The following SIPA1 variants were observed in gnomAD, a reference collection of about 807,000 sequenced individuals.
SIPA1 encodes signal-induced proliferation-associated 1.
SIPA1 carries 51 observed loss-of-function variants against 88.1 expected under a neutral mutation model. That is an observed-to-expected ratio of 0.58 (90% CI 0.46 to 0.73). The LOEUF (loss-of-function observed/expected upper bound fraction) is 0.73. Among genes scored for constraint, SIPA1 ranks in the 30% least tolerant of loss-of-function variants. SIPA1 has a pLI of 0.00. For synonymous variants in SIPA1, 681 were observed against 664.8 expected (o/e 1.02, Z -0.37); for missense variants, 1,348 against 1,467.6 (o/e 0.92, Z 1.33).
rs1208414217 is a variant in SIPA1 at position 65,650,710 on chromosome 11, GCC to G, written c.3125_3126del (p.Ala1042ValfsTer?). The G allele has an allele frequency of 6.4e-7, 1 of 1,573,868 alleles. No homozygotes were observed. Among genetic ancestry groups the G allele is most frequent in the Non-Finnish European group, 8.6e-7 (1 of 1,159,764 alleles). On this transcript the variant is annotated frameshift_variant, in exon 16 of 16. Coordinates refer to ENST00000534313, the MANE Select transcript of SIPA1 (RefSeq NM_006747.4). LOFTEE classifies it high-confidence loss of function. ...GCTGGGCTCACCCACCGCCGACCTGGCCTGAGCCGTCTGGAACCACCTGGGCC... is the reference window on the plus strand; with the variant it reads ...GCTGGGCTCACCCACCGCCGACCTGGTGAGCCGTCTGGAACCACCTGGGCC... ...KQLGSPTADLA is the reference protein window; with the variant it reads ...KQLGSPTADLX
chr11:65,638,619 A>C (rs1473185119), intron 1 of SIPA1, among the ~76,000 whole-genome samples: 1 of 152,192 alleles, frequency 6.6e-6, no homozygotes, highest in Non-Finnish European at 1.5e-5. Flanking sequence ...CATGACCTCC[A>C]GATGTGCTGG....
At chr11:65,644,922 C>T in intron 4 of SIPA1, 33 bp from the exon 5 acceptor site, 1 of 1,592,946 alleles carries the variant, frequency 6.3e-7, no homozygotes, top group Non-Finnish European at 8.6e-7. Context: ...CTGCAGGGGA[C>T]TGAGACCTAT....
Position 65,642,289 on chromosome 11 carries a change from C to G in SIPA1, c.719C>G (p.Pro240Arg). 1 of 1,554,896 alleles carries G rather than the reference C, an allele frequency of 6.4e-7. No homozygotes were observed. Among genetic ancestry groups the G allele is most frequent in the Non-Finnish European group, 8.7e-7 (1 of 1,151,472 alleles). The change falls in exon 3 of 16, where the codon CCG becomes CGG. Residue 240 changes from proline to arginine, a missense_variant. Coordinates refer to ENST00000534313, the MANE Select transcript of SIPA1 (RefSeq NM_006747.4). The surrounding 1 kb of genome is among the most constrained non-coding windows in gnomAD (Gnocchi z 6.5). ...NFFGMDESLG[P>R]VAVSLRREEK... Reference sequence around the variant, plus strand: ...TTCGGGATGGACGAGTCGCTGGGCCCGGTGGCAGTGAGCCTGCGGCGGGAG... The same window carrying G: ...TTCGGGATGGACGAGTCGCTGGGCCGGGTGGCAGTGAGCCTGCGGCGGGAG...
rs1157364349 is a variant in SIPA1, at chr11:65,647,655, G to A, written c.2303G>A (p.Arg768His). The A allele has an allele frequency of 1.5e-6, 2 of 1,359,408 alleles. No individual in the cohort carries two copies. The highest frequency in any genetic ancestry group is 3.8e-5 in the Admixed American group (1 of 26,430). 84.2% of individuals were successfully genotyped at this position (1,359,408 alleles called of 1,614,324 possible). A position where few individuals can be genotyped will look rare whatever the true frequency, so the allele number is the denominator to read the frequency against. ...VLPPDESGRP[R>H]RSFSELYTLS... ...CCCCCCGACGAGAGCGGCCGGCCCC[G>A]CAGGTCAGGGTGCCGGGGACGCGGG... The change falls in exon 9 of 16, where the codon CGC becomes CAC. Residue 768 changes from arginine to histidine, a missense_variant. By Grantham distance (29) the Arg-to-His change is conservative. Around this residue, in one of 4 missense-constraint regions of SIPA1, gnomAD observed 615 missense variants for 559.8 expected, o/e 1.10. Transcript: ENST00000534313.
Position 65,645,939 on chromosome 11 carries a change from C to T in SIPA1, c.1245C>T (p.Thr415=). The T allele has an allele frequency of 1.9e-6, 3 of 1,612,422 alleles. No homozygotes were observed. Among genetic ancestry groups the T allele is most frequent in the East Asian group, 4.5e-5 (2 of 44,822 alleles). The part of the protein sequence containing the change: ...MFHVSTMLPY[T]PNNQQQLLRK... ...ACGTGTCCACGATGCTGCCTTACAC[C>T]CCTAATAACCAGCAGCAGGTGTGAG... The change falls in exon 6 of 16, where the codon ACC becomes ACT. Residue 415 remains threonine (T), a synonymous_variant. Coordinates refer to ENST00000534313, the MANE Select transcript of SIPA1 (RefSeq NM_006747.4).
chr11:65,647,692 G>T, intron 9 of SIPA1, 34 bp downstream of exon 9: 1 of 1,314,548 alleles, frequency 7.6e-7, no homozygotes, highest in Non-Finnish European at 9.7e-7. Context: ...AGGTGGGAGG[G>T]CCGGCAGTTG....
rs1304309366 is a variant in SIPA1 at position 65,646,354 on chromosome 11, C to A, written c.1397C>A (p.Pro466His). 1.1e-5 allele frequency: 17 copies of A among 1,612,628 alleles called. No homozygotes were observed. Among genetic ancestry groups the A allele is most frequent in the Non-Finnish European group, 1.3e-5 (15 of 1,179,986 alleles). ...TTCCTAGTGGTGCGGGCACACACAC[C>A]CTGCACGCCACACACCACCTACAGG... ...HVFLVVRAHT[P>H]CTPHTTYRVA... The change falls in exon 7 of 16, where the codon CCC (proline) becomes CAC (histidine). Residue 466 changes from proline (P) to histidine (H), a missense_variant. Physicochemically the swap from Pro to His is moderately conservative, Grantham distance 77 (BLOSUM62 -2). Around this residue, in one of 4 missense-constraint regions of SIPA1, gnomAD observed 641 missense variants for 797.7 expected, o/e 0.80. Coordinates refer to ENST00000534313, the MANE Select transcript of SIPA1 (RefSeq NM_006747.4). This position sits in a 1 kb window ranked among gnomAD's most constrained non-coding sequence, Gnocchi z 7.5.
Position 65,642,783 on chromosome 11 carries a change from T to G in SIPA1, c.984+144T>G. 1 of 711,376 alleles carries G rather than the reference T, an allele frequency of 1.4e-6. No homozygotes were observed. The highest frequency in any genetic ancestry group is 2.2e-6 in the Non-Finnish European group (1 of 452,416). The allele number at this position is 711,376 out of a possible 1,614,324, so 44.1% of individuals were successfully genotyped here. ...GAGCTGGCTTTTCAGAGACAGGGCATCAGAGTTCATCTGGAGCCTTGCGTC... is the reference window on the plus strand; with the variant it reads ...GAGCTGGCTTTTCAGAGACAGGGCAGCAGAGTTCATCTGGAGCCTTGCGTC... On this transcript the variant is annotated intron_variant, in intron 4 of 15. Coordinates refer to ENST00000534313, the MANE Select transcript of SIPA1 (RefSeq NM_006747.4). This position sits in a 1 kb window ranked among gnomAD's most constrained non-coding sequence, Gnocchi z 6.5.
chr11:65,640,688 C>G, intron 1 of SIPA1, 143 bp from the exon 2 acceptor site: 1 of 491,186 alleles, frequency 2.0e-6, no homozygotes, highest in Non-Finnish European at 3.6e-6. Context: ...CCTAGGCAGA[C>G]AAGGAAGTGG....
chr11:65,646,674 C>T lies in SIPA1; in HGVS notation c.1640C>T (p.Thr547Met), dbSNP rs1275252789. 1 of 1,544,618 alleles carries T rather than the reference C, an allele frequency of 6.5e-7. No homozygotes were observed. The stretch of plus-strand genomic sequence containing the variant: ...CTGGCCACCAACGAGGTGACCACTA[C>T]GTCGCTGGACTCGGCTTCACGCTTC... ...QDLATNEVTT[T>M]SLDSASRFGL... The change falls in exon 8 of 16, where the codon ACG becomes ATG. Residue 547 changes from threonine (T) to methionine (M), a missense_variant. Physicochemically the swap from Thr to Met is moderately conservative, Grantham distance 81 (BLOSUM62 -1). Around this residue, in one of 4 missense-constraint regions of SIPA1, gnomAD observed 641 missense variants for 797.7 expected, o/e 0.80. Transcript: ENST00000534313. This position sits in a 1 kb window ranked among gnomAD's most constrained non-coding sequence, Gnocchi z 7.5.
In SIPA1 at chr11:65,645,844, C is replaced by G. The variant is rs1214898792; in HGVS notation, c.1160-10C>G. Reference sequence around the variant, plus strand: ...TTTCTCCTTCTGTGTCCCTAACTTCCTGGCCACAGCGGATTCCACAGGCAC... The same window carrying G: ...TTTCTCCTTCTGTGTCCCTAACTTCGTGGCCACAGCGGATTCCACAGGCAC... On this transcript the variant is annotated splice_polypyrimidine_tract_variant and intron_variant, in intron 5 of 15. Transcript: ENST00000534313. 6.2e-7 allele frequency: 1 copy of G among 1,601,924 alleles called. No individual in the cohort carries two copies. Among genetic ancestry groups the G allele is most frequent in the Admixed American group, 1.7e-5 (1 of 59,556 alleles).
At chr11:65,645,210 G>C in intron 5 of SIPA1, 81 bp downstream of exon 5, 7 of 1,384,550 alleles carry the variant, frequency 5.1e-6, no homozygotes, top group Non-Finnish European at 7.0e-6. Flanking sequence ...TCCTTTGTCC[G>C]TACAATCCTG....
intron 1 of SIPA1, among the ~76,000 whole-genome samples, chr11:65,638,586 C>T (rs1157249232): frequency 6.6e-6 from 1 of 152,196 alleles, no homozygotes; most frequent in Non-Finnish European, 1.5e-5. Flanking sequence ...ATCTGTCGCG[C>T]CCCCTGGCAG....
chr11:65,645,516 C>T (rs1315892234), intron 5 of SIPA1, among the ~76,000 whole-genome samples: 1 of 152,086 alleles, frequency 6.6e-6, no homozygotes, highest in African/African-American at 2.4e-5. Context: ...GCATGCCACA[C>T]ATGCTTGGGC....
In SIPA1 at chr11:65,650,176, C is replaced by G. The variant is rs1204430855; in HGVS notation, c.2887C>G (p.Pro963Ala). The change falls in exon 14 of 16, where the codon CCA becomes GCA. Residue 963 changes from proline to alanine, a missense_variant. Around this residue, in one of 4 missense-constraint regions of SIPA1, gnomAD observed 615 missense variants for 559.8 expected, o/e 1.10. Coordinates refer to ENST00000534313, the MANE Select transcript of SIPA1 (RefSeq NM_006747.4). The stretch of plus-strand genomic sequence containing the variant: ...AGAGAGTGGAGACCCTAAGGGAACT[C>G]CAAAATCTGATGCTGAGTAAGCTCC... ...IPESGDPKGT[P>A]KSDAEPEPGN... 2 of 1,614,092 alleles carry G rather than the reference C, an allele frequency of 1.2e-6. No homozygotes were observed. The highest frequency in any genetic ancestry group is 1.7e-6 in the Non-Finnish European group (2 of 1,180,000).
In SIPA1 at chr11:65,647,433, G is replaced by A. The variant is rs749555161; in HGVS notation, c.2081G>A (p.Gly694Asp). ...CGCGAGCTGGCGCTGCCCCGCGACG[G>A]TCAAGGCCGCCTGGGCTTCGAGGTG... ...ETRELALPRDGQGRLGFEVDA... is the reference protein window; with the variant it reads ...ETRELALPRDDQGRLGFEVDA... Residue 694 changes from glycine to aspartate, a missense_variant, in exon 9 of 16, where the codon GGT (glycine) becomes GAT (aspartate). Around this residue, in one of 4 missense-constraint regions of SIPA1, gnomAD observed 615 missense variants for 559.8 expected, o/e 1.10. Transcript: ENST00000534313. The A allele has an allele frequency of 3.8e-5, 56 of 1,480,294 alleles. 1 individual carries two copies. In the South Asian group the frequency reaches 5.9e-4, roughly 16 times the overall value. The allele number at this position is 1,480,294 out of a possible 1,614,324, so 91.7% of individuals were successfully genotyped here. A position where few individuals can be genotyped will look rare whatever the true frequency, so the allele number is the denominator to read the frequency against.
Position 65,649,560 on chromosome 11 carries a change from GCT to G in SIPA1, c.2530_2531del (p.Leu844ValfsTer3), listed in dbSNP as rs1417002842. The G allele has an allele frequency of 6.2e-7, 1 of 1,614,068 alleles. No homozygotes were observed. ...TTCTGAGCCACCCCTGCTCTCCCCA[GCT>G]CTCTGTCGGATGAGGCCCCAGTCCT... On this transcript the variant is annotated frameshift_variant and splice_region_variant, in exon 11 of 16. Transcript: ENST00000534313. LOFTEE classifies it high-confidence loss of function.
chr11:65,648,918 C>T (rs1200891965), intron 9 of SIPA1, among the ~76,000 whole-genome samples: 1 of 151,988 alleles, frequency 6.6e-6, no homozygotes, highest in Non-Finnish European at 1.5e-5. Flanking sequence ...AAGGAAAAGG[C>T]ACAGGCTGGA....
chr11:65,649,344 G>A lies in SIPA1; in HGVS notation c.2389G>A (p.Gly797Arg). Residue 797 changes from glycine (G) to arginine (R), a missense_variant, in exon 10 of 16, where the codon GGG becomes AGG. Coordinates refer to ENST00000534313, the MANE Select transcript of SIPA1 (RefSeq NM_006747.4). ...APDPVQDEVQ[G>R]VTLLPTTKQL... ...AGATCCTGTGCAGGATGAGGTCCAGGGGGTGACCCTGCTGCCCACCACAAA... is the reference window on the plus strand; with the variant it reads ...AGATCCTGTGCAGGATGAGGTCCAGAGGGTGACCCTGCTGCCCACCACAAA... 6.4e-7 allele frequency: 1 copy of A among 1,562,224 alleles called. No individual in the cohort carries two copies. Among genetic ancestry groups the A allele is most frequent in the South Asian group, 1.2e-5 (1 of 85,192 alleles).
Sources: gnomAD v4.1 joint callset for allele counts (sites outside exome capture counted in the v4.1 genomes callset) on GRCh38, gnomAD v4.1.1 for gene constraint, gnomAD v4.1.1 regional missense constraint, Gnocchi (gnomAD v3.1) non-coding constraint, MANE v1.5 for transcripts, NCBI Gene and HGNC (gene_info 2026-07-23, HGNC 2026-07-21) for gene names.